The following GALNT17 variants were observed in gnomAD, a reference collection of about 807,000 sequenced individuals.
GALNT17 encodes the protein polypeptide N-acetylgalactosaminyltransferase 17, also known as UDP-GalNAc:polypeptide N-acetylgalactosaminyltransferase-like 3.
Under a neutral mutation model 63.7 loss-of-function variants are expected in GALNT17, and 29 were observed. That is an observed-to-expected ratio of 0.46 (90% confidence interval 0.34 to 0.62). The LOEUF (loss-of-function observed/expected upper bound fraction) is 0.62. Ranked by LOEUF, GALNT17 falls within the 20% of genes least tolerant of loss-of-function variation. The pLI is 0.01. For missense variants in GALNT17, 603 were observed against 799.6 expected, an observed-to-expected ratio of 0.75 and a Z score of 2.97; for synonymous variants, 305 against 318.3, an observed-to-expected ratio of 0.96 and a Z score of 0.45.
At chr7:71,356,532 G>A (rs1481159886) in intron 2 of GALNT17, among the ~76,000 whole-genome samples, 1 of 152,166 alleles carries the variant, frequency 6.6e-6, no homozygotes, top group Non-Finnish European at 1.5e-5. Context: ...GAGATTGCAT[G>A]GTGAGAGTGG....
chr7:71,662,627 A>C (rs1441389527), intron 6 of GALNT17, among the ~76,000 whole-genome samples: 1 of 152,174 alleles, frequency 6.6e-6, no homozygotes. Flanking sequence ...GAATCATAGA[A>C]TATGTAGTCC....
intron 9 of GALNT17, among the ~76,000 whole-genome samples, chr7:71,706,050 A>G (rs1168381692): frequency 2.0e-5 from 3 of 152,286 alleles, no homozygotes; most frequent in Admixed American, 6.5e-5. Context: ...CACCTGCCTC[A>G]TGGTAGAAAA....
At chr7:71,182,994 G>A (rs17142771) in intron 1 of GALNT17, among the ~76,000 whole-genome samples, 3,446 of 152,286 alleles carry the variant, frequency 0.023, 144 homozygotes, top group East Asian at 0.1. Context: ...AACAGACCGT[G>A]TACATTTCAT....
intron 5 of GALNT17, among the ~76,000 whole-genome samples, chr7:71,517,787 C>T (rs796787833): frequency 5.1e-4 from 78 of 152,232 alleles, no homozygotes; most frequent in African/African-American, 1.4e-3. Context: ...TTACACACTA[C>T]AGTAGGGAGA....
intron 1 of GALNT17, among the ~76,000 whole-genome samples, chr7:71,242,936 A>G (rs982961703): frequency 6.6e-6 from 1 of 152,234 alleles, no homozygotes. Flanking sequence ...TAGTTAGGCC[A>G]TTAGAATCTT....
chr7:71,621,537 T>TG (rs1554316541), intron 6 of GALNT17, among the ~76,000 whole-genome samples: 66,905 of 138,688 alleles, frequency 0.48, 18,307 homozygotes, highest in Admixed American at 0.61. Context: ...ATGGATGGAT[T>TG]GATGGATTGA....
intron 1 of GALNT17, among the ~76,000 whole-genome samples, chr7:71,143,407 CAAA>C (rs66560650): frequency 1.2e-4 from 14 of 116,976 alleles, no homozygotes; most frequent in African/African-American, 3.9e-4. Flanking sequence ...GAGACTGTCT[CAAA>C]AAAAAAAAAA....
chr7:71,692,490 C>CT (rs1474433905), intron 9 of GALNT17, among the ~76,000 whole-genome samples: 1 of 152,092 alleles, frequency 6.6e-6, no homozygotes, highest in Non-Finnish European at 1.5e-5. Flanking sequence ...ACTCTTTACT[C>CT]TTTAGCTAGG....
intron 5 of GALNT17, among the ~76,000 whole-genome samples, chr7:71,564,855 G>C (rs1789314718): frequency 1.3e-5 from 2 of 152,174 alleles, no homozygotes; most frequent in Admixed American, 6.5e-5. Flanking sequence ...CCTGTCATGT[G>C]TGCTGAGCAG....
At chr7:71,617,781 T>A (rs1790236409) in intron 6 of GALNT17, among the ~76,000 whole-genome samples, 1 of 152,146 alleles carries the variant, frequency 6.6e-6, no homozygotes, top group Admixed American at 6.5e-5. Context: ...TAGGTGGGAC[T>A]ACAGGTACTT....
intron 1 of GALNT17, among the ~76,000 whole-genome samples, chr7:71,321,889 TCC>T (rs1791615122): frequency 2.6e-5 from 2 of 78,152 alleles, no homozygotes; most frequent in Non-Finnish European, 5.1e-5. Context: ...CTTCCTTCCT[TCC>T]TTCCTTCCTT....
At chr7:71,259,318 G>C (rs1024387138) in intron 1 of GALNT17, among the ~76,000 whole-genome samples, 1 of 152,174 alleles carries the variant, frequency 6.6e-6, no homozygotes, top group Non-Finnish European at 1.5e-5. Flanking sequence ...GCACTTTCCT[G>C]TTTCATGCAC....
At chr7:71,180,115 A>T (rs914291974) in intron 1 of GALNT17, among the ~76,000 whole-genome samples, 11 of 151,978 alleles carry the variant, frequency 7.2e-5, no homozygotes, top group African/African-American at 2.7e-4. Flanking sequence ...CAAGACAACA[A>T]TGAGTATTTT....
intron 2 of GALNT17, among the ~76,000 whole-genome samples, chr7:71,376,600 C>G (rs184477728): frequency 6.6e-6 from 1 of 151,116 alleles, no homozygotes; most frequent in Admixed American, 6.6e-5. Flanking sequence ...TCTTTTCTTC[C>G]CTTTTAGAGA....
intron 8 of GALNT17, 23 bp from the exon 9 acceptor site, chr7:71,677,188 T>C (rs781446839): frequency 1.6e-5 from 26 of 1,612,716 alleles, no homozygotes; most frequent in Non-Finnish European, 1.9e-5. Flanking sequence ...CTCTCATGGG[T>C]CGTGTTTTGT....
chr7:71,228,957 T>C (rs967349428), intron 1 of GALNT17, among the ~76,000 whole-genome samples: 2 of 152,140 alleles, frequency 1.3e-5, no homozygotes, highest in African/African-American at 4.8e-5. Context: ...GGCCAATACT[T>C]ATATTGCAGG....
At chr7:71,406,652 T>C (rs963123532) in intron 3 of GALNT17, among the ~76,000 whole-genome samples, 2 of 152,108 alleles carry the variant, frequency 1.3e-5, no homozygotes, top group Non-Finnish European at 2.9e-5. Flanking sequence ...TTTAAAATAG[T>C]CTTTGTAGGG....
At chr7:71,288,657 CGTT>C (rs1562972738) in intron 1 of GALNT17, among the ~76,000 whole-genome samples, 4 of 152,008 alleles carry the variant, frequency 2.6e-5, no homozygotes, top group African/African-American at 7.2e-5. Flanking sequence ...AGTGACCTTG[CGTT>C]TAGCTGGGTT....
chr7:71,517,009 G>A (rs1208304619), intron 5 of GALNT17, among the ~76,000 whole-genome samples: 6 of 152,082 alleles, frequency 3.9e-5, no homozygotes, highest in South Asian at 2.1e-4. Context: ...ATTTCTTGTC[G>A]CCATTGCTCA....
Sources: allele counts gnomAD v4.1 joint callset (sites outside exome capture counted in the v4.1 genomes callset), GRCh38; gene constraint gnomAD v4.1.1; transcripts MANE v1.5; gene names NCBI Gene and HGNC (gene_info 2026-07-23, HGNC 2026-07-21).